PLEKHM1: variants seen among roughly 807,000 people sequenced by gnomAD.
PLEKHM1 encodes the protein pleckstrin homology and RUN domain containing M1.
PLEKHM1 carries 28 observed loss-of-function variants against 94.3 expected under a neutral mutation model. The ratio of observed to expected loss-of-function variants is 0.30; its 90% CI spans 0.22 to 0.41. PLEKHM1 has a LOEUF of 0.41. Among genes scored for constraint, PLEKHM1 ranks in the 10% least tolerant of loss-of-function variants. The probability of loss-of-function intolerance (pLI) is 1.00; values close to 1 mark genes in which losing one functional copy is unlikely to be tolerated. For missense variants in PLEKHM1, 907 were observed against 1,358.6 expected (o/e 0.67, Z 5.22); for synonymous variants, 424 against 581.2 (o/e 0.73, Z 3.89).
chr17:45,455,918 C>A (rs2050931749), intron 6 of PLEKHM1, among the ~76,000 whole-genome samples: 1 of 152,210 alleles, frequency 6.6e-6, no homozygotes, highest in Non-Finnish European at 1.5e-5. Flanking sequence ...CAGTGGCCCA[C>A]AGGCCTCGTC....
intron 3 of PLEKHM1, chr17:45,476,055 G>A (rs2051721353): frequency 1.0e-5 from 4 of 383,166 alleles, no homozygotes; most frequent in African/African-American, 8.3e-5. Flanking sequence ...GGAGGTTGAG[G>A]TGGAAGGATA....
rs1283272382 is a variant in PLEKHM1 at position 45,454,129 on chromosome 17, C to G, written c.1723G>C (p.Glu575Gln). ...TCACAGCGAAGCAGCGAGCAGTTCT[C>G]CACACAGGTGTGCTCCTCGTTGCTC... ...YLSNEEHTCV[E>Q]NCSLLRCESV... The change falls in exon 7 of 12, where the codon GAG becomes CAG. Residue 575 changes from glutamate (E) to glutamine (Q), a missense_variant. Physicochemically the swap from Glu to Gln is conservative, Grantham distance 29. Transcript: ENST00000430334. The G allele has an allele frequency of 6.8e-6, 11 of 1,614,190 alleles. No individual in the cohort carries two copies. The South Asian group carries it at 9.9e-5, about 14-fold the overall frequency.
intron 1 of PLEKHM1, among the ~76,000 whole-genome samples, chr17:45,485,983 G>A (rs111960572): frequency 0.13 from 19,981 of 151,072 alleles, 1,549 homozygotes; most frequent in Middle Eastern, 0.21. Context: ...TTGGGAGGCC[G>A]AGGCCGGCGG....
At position 45,470,133 on chromosome 17, in the gene PLEKHM1, T is replaced by G. The variant is rs926589883; in HGVS notation, c.924-1540A>C. Among the ~76,000 whole-genome samples the G allele has an allele frequency of 4.6e-5, 7 of 151,796 alleles. No homozygotes were observed. The East Asian group carries it at 1.4e-3, about 29-fold the overall frequency. ...CCAACACATTTTAATGGGGAGGGAA[T>G]AGTCTTTTCAACAATTGTGCTGAGA... is the stretch of plus-strand genomic sequence containing the variant. On this transcript the variant is annotated intron_variant, in intron 4 of 11. Transcript: ENST00000430334.
rs755252569 is a variant in PLEKHM1, at chr17:45,450,677, C to G, written c.2584G>C (p.Asp862His). The G allele has an allele frequency of 1.7e-5, 28 of 1,609,424 alleles. No individual in the cohort carries two copies. Among genetic ancestry groups the G allele is most frequent in the Non-Finnish European group, 2.2e-5 (26 of 1,178,432 alleles). ...CTGGCCGGAATCACTGAGGCATCGT[C>G]TTGGTGGCAGATGTCACAGTAATAG... ...GLYYCDICHQ[D>H]DASVIPARII... The change falls in exon 8 of 12, where the codon GAC (aspartate) becomes CAC (histidine). Residue 862 changes from aspartate (D) to histidine (H), a missense_variant. Physicochemically the swap from Asp to His is moderately conservative, Grantham distance 81. Coordinates refer to ENST00000430334, the MANE Select transcript of PLEKHM1 (RefSeq NM_014798.3).
Position 45,445,748 on chromosome 17 carries a change from C to A in PLEKHM1, c.2644-85G>T, listed in dbSNP as rs946202402. On this transcript the variant is annotated intron_variant, in intron 8 of 11. Coordinates refer to ENST00000430334, the MANE Select transcript of PLEKHM1 (RefSeq NM_014798.3). This position sits in a 1 kb window ranked among gnomAD's most constrained non-coding sequence, Gnocchi z 4.2. ...GGCCAGGTGCCACATGACCTGCTCA[C>A]TTACCTGAGGGGCTATCTTCATTTT... 2 of 954,684 alleles carry A rather than the reference C, an allele frequency of 2.1e-6. No individual in the cohort carries two copies. Among genetic ancestry groups the A allele is most frequent in the African/African-American group, 3.2e-5 (2 of 62,574 alleles). The allele number at this position is 954,684 out of a possible 1,614,324, so 59.1% of individuals were successfully genotyped here.
rs368323358 is a variant in PLEKHM1, at chr17:45,475,093, T to G, written c.923+7A>C. The G allele has an allele frequency of 6.8e-5, 109 of 1,613,964 alleles. 1 individual carries two copies. The African/African-American group carries it at 1.3e-3, about 20-fold the overall frequency. On this transcript the variant is annotated splice_region_variant and intron_variant, in intron 4 of 11. Transcript: ENST00000430334. ...AAGATGGGAAGGAGTGGGGGCAGCG[T>G]ACTCACTCTTGCAGAGACCGGTCTG...
Position 45,454,288 on chromosome 17 carries a change from A to G in PLEKHM1, c.1580-16T>C. The G allele has an allele frequency of 6.3e-7, 1 of 1,585,950 alleles. No homozygotes were observed. Among genetic ancestry groups the G allele is most frequent in the Non-Finnish European group, 8.6e-7 (1 of 1,166,188 alleles). ...TTGGACAGTCCTGGAGGCAGAGGCA[A>G]AAAGGGGCACATTAGTTGGCGGGCC... On this transcript the variant is annotated splice_polypyrimidine_tract_variant and intron_variant, in intron 6 of 11. Coordinates refer to ENST00000430334, the MANE Select transcript of PLEKHM1 (RefSeq NM_014798.3).
chr17:45,454,284 G>A lies in PLEKHM1; in HGVS notation c.1580-12C>T, dbSNP rs575096794. 4.4e-5 allele frequency: 70 copies of A among 1,585,492 alleles called. No homozygotes were observed. The East Asian group carries it at 1.6e-3, about 36-fold the overall frequency. ...TGGGTTGGACAGTCCTGGAGGCAGAGGCAAAAAGGGGCACATTAGTTGGCG... is the reference window on the plus strand; with the variant it reads ...TGGGTTGGACAGTCCTGGAGGCAGAAGCAAAAAGGGGCACATTAGTTGGCG... On this transcript the variant is annotated splice_polypyrimidine_tract_variant and intron_variant, in intron 6 of 11. Transcript: ENST00000430334.
Position 45,450,709 on chromosome 17 carries a change from G to C in PLEKHM1, c.2552C>G (p.Ser851Cys). 1 of 1,601,578 alleles carries C rather than the reference G, an allele frequency of 6.2e-7. No homozygotes were observed. The highest frequency in any genetic ancestry group is 8.5e-7 in the Non-Finnish European group (1 of 1,174,888). The change falls in exon 8 of 12, where the codon TCT becomes TGT. Residue 851 changes from serine (S) to cysteine (C), a missense_variant. Around this residue, in one of 3 missense-constraint regions of PLEKHM1, gnomAD observed 254 missense variants for 451.1 expected, o/e 0.56. Transcript: ENST00000430334. ...SFVRPKLCAF[S>C]GLYYCDICHQ... ...GCAGATGTCACAGTAATAGAGGCCA[G>C]AGAAGGCACAGAGCTTGGGTCGTAC...
chr17:45,447,502 C>T (rs1296212078), intron 8 of PLEKHM1, among the ~76,000 whole-genome samples: 1 of 152,258 alleles, frequency 6.6e-6, no homozygotes, highest in Non-Finnish European at 1.5e-5. Context: ...TGGGCAGGGG[C>T]TTTGTGCTCC....
intron 7 of PLEKHM1, among the ~76,000 whole-genome samples, chr17:45,451,344 C>G (rs2050769286): frequency 6.6e-6 from 1 of 152,168 alleles, no homozygotes; most frequent in South Asian, 2.1e-4. Context: ...GCTTCAGCCC[C>G]CTTGGTTGGA....
intron 5 of PLEKHM1, among the ~76,000 whole-genome samples, chr17:45,467,313 G>C (rs2051349496): frequency 6.6e-6 from 1 of 152,152 alleles, no homozygotes; most frequent in Non-Finnish European, 1.5e-5. Flanking sequence ...ATCATACTAA[G>C]TTATTGAAAT....
chr17:45,466,241 A>G (rs940444690), intron 5 of PLEKHM1, among the ~76,000 whole-genome samples: 1 of 152,230 alleles, frequency 6.6e-6, no homozygotes, highest in African/African-American at 2.4e-5. Context: ...ACCACACACA[A>G]AAATTAATCC....
At chr17:45,434,523 T>G (rs2050213092), downstream of PLEKHM1, 1 of 152,152 alleles carries the variant, frequency 6.6e-6, no homozygotes, top group Non-Finnish European at 1.5e-5. Flanking sequence ...CTTGGCTCAC[T>G]GCAACCTCCG....
rs1393724689 is a variant in PLEKHM1 at position 45,436,356 on chromosome 17, C to G, written c.*1502G>C. On this transcript the variant is annotated 3_prime_UTR_variant, in exon 12 of 12. Coordinates refer to ENST00000430334, the MANE Select transcript of PLEKHM1 (RefSeq NM_014798.3). The stretch of plus-strand genomic sequence containing the variant: ...AGGTGTGTGCCATGACCGGGAGAAG[C>G]TGTGCGCAGCCTCCACCTGCCTGCC... 2.2e-6 allele frequency: 1 copy of G among 454,194 alleles called. No individual in the cohort carries two copies. Among genetic ancestry groups the G allele is most frequent in the South Asian group, 1.6e-5 (1 of 64,480 alleles). 28.1% of individuals were successfully genotyped at this position (454,194 alleles called of 1,614,324 possible). A position where few individuals can be genotyped will look rare whatever the true frequency, so the allele number is the denominator to read the frequency against.
chr17:45,456,662 C>T (rs1340597985), intron 6 of PLEKHM1, among the ~76,000 whole-genome samples: 1 of 152,228 alleles, frequency 6.6e-6, no homozygotes, highest in Non-Finnish European at 1.5e-5. Flanking sequence ...ACCCACACAA[C>T]CCATGCCAGG....
chr17:45,454,070 A>G lies in PLEKHM1; in HGVS notation c.1782T>C (p.Phe594=). Residue 594 remains phenylalanine, a synonymous_variant, in exon 7 of 12, where the codon TTT becomes TTC. Coordinates refer to ENST00000430334, the MANE Select transcript of PLEKHM1 (RefSeq NM_014798.3). ...SVGPAHSDGR[F]ELVFSGKKLA... is the part of the protein sequence containing the mutation. ...GCTTCTTGCCAGAGAAGACCAGCTC[A>G]AAGCGCCCATCACTATGGGCTGGCC... The G allele has an allele frequency of 1.2e-6, 2 of 1,614,160 alleles. No individual in the cohort carries two copies. Among genetic ancestry groups the G allele is most frequent in the Non-Finnish European group, 1.7e-6 (2 of 1,179,990 alleles).
chr17:45,481,105 A>G (rs1040509954), intron 2 of PLEKHM1, among the ~76,000 whole-genome samples: 1 of 152,024 alleles, frequency 6.6e-6, no homozygotes, highest in Non-Finnish European at 1.5e-5. Flanking sequence ...CAGCCATCCT[A>G]GGGGGTGTGA....
Sources: gnomAD v4.1 joint callset for allele counts (sites outside exome capture counted in the v4.1 genomes callset) on GRCh38, gnomAD v4.1.1 for gene constraint, gnomAD v4.1.1 regional missense constraint, Gnocchi (gnomAD v3.1) non-coding constraint, MANE v1.5 for transcripts, NCBI Gene and HGNC (gene_info 2026-07-23, HGNC 2026-07-21) for gene names.